The following HCN1 variants were observed in gnomAD, a reference collection of about 807,000 sequenced individuals.
The protein encoded by HCN1 is potassium/sodium hyperpolarization-activated cyclic nucleotide-gated channel 1.
In HCN1, 13 loss-of-function variants were observed where a neutral mutation model predicts 78.9. The ratio of observed to expected loss-of-function variants is 0.16; its 90% CI spans 0.11 to 0.26. The LOEUF is 0.26. Among genes scored for constraint, HCN1 ranks in the 10% least tolerant of loss-of-function variants. HCN1 has a pLI of 1.00. For synonymous variants in HCN1, 552 were observed against 455.5 expected, an observed-to-expected ratio of 1.21 and a Z score of -2.70; for missense variants, 810 against 1,154.3, an observed-to-expected ratio of 0.70 and a Z score of 4.32.
intron 4 of HCN1, among the ~76,000 whole-genome samples, chr5:45,365,241 T>C (rs1747210570): frequency 6.6e-6 from 1 of 151,974 alleles, no homozygotes; most frequent in Non-Finnish European, 1.5e-5. Context: ...GTTTGTTATA[T>C]GGGTATTACA....
chr5:45,262,306 G>T lies in HCN1; in HGVS notation c.2288C>A (p.Pro763Gln), dbSNP rs1437053801. 2 of 1,613,874 alleles carry T rather than the reference G, an allele frequency of 1.2e-6. No individual in the cohort carries two copies. Among genetic ancestry groups the T allele is most frequent in the Admixed American group, 3.3e-5 (2 of 60,020 alleles). The change falls in exon 8 of 8, where the codon CCG becomes CAG. Residue 763 changes from proline (P) to glutamine (Q), a missense_variant. Pro to Gln is a moderately conservative substitution (Grantham distance 76). This residue lies in a region of HCN1 where 398 missense variants were observed against 381.3 expected (regional missense o/e 1.04). Coordinates refer to ENST00000303230, the MANE Select transcript of HCN1 (RefSeq NM_021072.4). ...CGTGCTCTTGTGCACTTCATTTTTC[G>T]GCGTGGAGCTGCCAGGTGTCTGTGG... ...PQPQTPGSST[P>Q]KNEVHKSTQA...
At chr5:45,371,090 G>T (rs2112004210) in intron 4 of HCN1, among the ~76,000 whole-genome samples, 1 of 152,046 alleles carries the variant, frequency 6.6e-6, no homozygotes, top group African/African-American at 2.4e-5. Flanking sequence ...GCAGTCTTAA[G>T]ATACAACATA....
intron 1 of HCN1, among the ~76,000 whole-genome samples, chr5:45,691,471 C>T (rs1163751192): frequency 2.0e-5 from 3 of 152,014 alleles, no homozygotes; most frequent in Non-Finnish European, 4.4e-5. Flanking sequence ...TAAATTCACA[C>T]GTTTAAATCT....
intron 4 of HCN1, among the ~76,000 whole-genome samples, chr5:45,359,037 G>T (rs1223975060): frequency 6.6e-6 from 1 of 151,914 alleles, no homozygotes; most frequent in Non-Finnish European, 1.5e-5. Context: ...CCCCAAGATG[G>T]TATAAAAGCA....
chr5:45,286,646 CA>C (rs1335105811), intron 6 of HCN1, among the ~76,000 whole-genome samples: 2 of 151,964 alleles, frequency 1.3e-5, no homozygotes, highest in Non-Finnish European at 2.9e-5. Flanking sequence ...ATATTAGACA[CA>C]TCTTTTGAGA....
At chr5:45,276,362 T>C (rs575001351) in intron 6 of HCN1, among the ~76,000 whole-genome samples, 1 of 152,112 alleles carries the variant, frequency 6.6e-6, no homozygotes. Flanking sequence ...ATCACCTGGG[T>C]TGTCTTACTG....
At chr5:45,685,233 A>G (rs761046501) in intron 1 of HCN1, among the ~76,000 whole-genome samples, 5 of 152,228 alleles carry the variant, frequency 3.3e-5, no homozygotes, top group Admixed American at 6.5e-5. Context: ...CTGATTTGAA[A>G]TAACATCCCA....
In HCN1 at chr5:45,260,222, CAG is replaced by C. The variant is rs1245856225; in HGVS notation, c.*1697_*1698del. The C allele has an allele frequency of 1.3e-5, 2 of 152,160 alleles. No individual in the cohort carries two copies. The highest frequency in any genetic ancestry group is 4.8e-5 in the African/African-American group (2 of 41,436). The allele number at this position is 152,160 out of a possible 1,614,324, so 9.4% of individuals were successfully genotyped here. ...ATGTTCTTAAATGTATTGCCAGTGC[CAG>C]AGATACTGAAGACCTCCACTTTAAG... On this transcript the variant is annotated 3_prime_UTR_variant, in exon 8 of 8. Coordinates refer to ENST00000303230, the MANE Select transcript of HCN1 (RefSeq NM_021072.4).
chr5:45,685,095 C>T (rs139350655), intron 1 of HCN1, among the ~76,000 whole-genome samples: 214 of 152,188 alleles, frequency 1.4e-3, no homozygotes, highest in African/African-American at 4.8e-3. Context: ...AATTCTTTTA[C>T]GTTCCTAACT....
chr5:45,274,473 TAA>T (rs1561084070), intron 6 of HCN1, among the ~76,000 whole-genome samples: 1 of 152,170 alleles, frequency 6.6e-6, no homozygotes, highest in African/African-American at 2.4e-5. Context: ...TGTGGTTAAC[TAA>T]AACAGTGCCT....
intron 2 of HCN1, among the ~76,000 whole-genome samples, chr5:45,562,775 A>C (rs907856193): frequency 6.6e-6 from 1 of 152,020 alleles, no homozygotes; most frequent in African/African-American, 2.4e-5. Flanking sequence ...ATTGCTTAAC[A>C]AATGTACGCA....
intron 2 of HCN1, among the ~76,000 whole-genome samples, chr5:45,496,972 T>C (rs1742048329): frequency 1.3e-5 from 2 of 152,320 alleles, no homozygotes; most frequent in African/African-American, 4.8e-5. Flanking sequence ...CCAGTAGTCA[T>C]TCAGGAGCAG....
intron 6 of HCN1, among the ~76,000 whole-genome samples, chr5:45,279,136 T>G (rs1170893863): frequency 6.6e-6 from 1 of 152,152 alleles, no homozygotes; most frequent in Non-Finnish European, 1.5e-5. Context: ...AAGCCACTAT[T>G]TAGCTTGTGA....
intron 5 of HCN1, among the ~76,000 whole-genome samples, chr5:45,306,851 G>T (rs965609212): frequency 1.3e-5 from 2 of 151,996 alleles, no homozygotes; most frequent in East Asian, 1.9e-4. Flanking sequence ...TTGAGGAAAG[G>T]TTGCTTGCTA....
At chr5:45,636,742 G>C (rs1181959687) in intron 2 of HCN1, among the ~76,000 whole-genome samples, 1 of 151,982 alleles carries the variant, frequency 6.6e-6, no homozygotes, top group Non-Finnish European at 1.5e-5. Flanking sequence ...AATCCCAATT[G>C]TGTGGGAAGA....
intron 2 of HCN1, among the ~76,000 whole-genome samples, chr5:45,473,266 C>G (rs1279664582): frequency 6.6e-6 from 1 of 151,890 alleles, no homozygotes. Context: ...TGCACAACTA[C>G]TTCATGGTTT....
intron 5 of HCN1, among the ~76,000 whole-genome samples, chr5:45,304,825 A>G (rs1387275868): frequency 1.3e-5 from 2 of 152,158 alleles, no homozygotes; most frequent in African/African-American, 4.8e-5. Context: ...GTTTTATTCC[A>G]GGATCAGGCC....
intron 5 of HCN1, among the ~76,000 whole-genome samples, chr5:45,317,529 A>G (rs1350407361): frequency 6.6e-6 from 1 of 152,198 alleles, no homozygotes; most frequent in Non-Finnish European, 1.5e-5. Flanking sequence ...CTAAAACACC[A>G]AAAGCAATGG....
chr5:45,458,669 G>C (rs566390523), intron 3 of HCN1, among the ~76,000 whole-genome samples: 82 of 152,212 alleles, frequency 5.4e-4, no homozygotes, highest in African/African-American at 1.9e-3. Context: ...ACATGGTTTA[G>C]AGCAGAAATT....
Sources: allele counts gnomAD v4.1 joint callset (sites outside exome capture counted in the v4.1 genomes callset), GRCh38; gene constraint gnomAD v4.1.1; regional missense constraint gnomAD v4.1.1; transcripts MANE v1.5; gene names NCBI Gene and HGNC (gene_info 2026-07-23, HGNC 2026-07-21).